Variants in KIAA0319L observed in about 807,000 individuals in gnomAD.
KIAA0319L encodes the protein dyslexia-associated protein KIAA0319-like protein.
A neutral mutation model predicts 120.1 loss-of-function variants in KIAA0319L; 55 were observed. That is an observed-to-expected ratio of 0.46 (90% confidence interval 0.37 to 0.57). The LOEUF (loss-of-function observed/expected upper bound fraction) is 0.57, where lower values mean the gene tolerates loss of function less well. Among genes scored for constraint, KIAA0319L ranks in the 20% least tolerant of loss-of-function variants. KIAA0319L has a pLI of 0.00. For missense variants in KIAA0319L, 1,049 were observed against 1,255.3 expected (o/e 0.84, Z 2.48); for synonymous variants, 398 against 471.9 (o/e 0.84, Z 2.03).
intron 7 of KIAA0319L, among the ~76,000 whole-genome samples, chr1:35,463,924 C>T (rs1431286940): frequency 6.6e-6 from 1 of 152,198 alleles, no homozygotes; most frequent in Non-Finnish European, 1.5e-5. Flanking sequence ...TTACTCTGCA[C>T]AAGCTCTCTT....
chr1:35,456,269 C>T, intron 9 of KIAA0319L, 28 bp from the exon 10 acceptor site: 1 of 1,416,156 alleles, frequency 7.1e-7, no homozygotes, highest in South Asian at 1.4e-5. Flanking sequence ...GGAGTGTGAT[C>T]AGGGACGGGT....
At position 35,474,813 on chromosome 1, in the gene KIAA0319L, G is replaced by A; in HGVS notation, c.1007C>T (p.Pro336Leu). ...TGTAAGGGGATGTTTACCTTTAGGTGGTTCTTGGAGAACATATGCATTTAA... is the reference window on the plus strand; with the variant it reads ...TGTAAGGGGATGTTTACCTTTAGGTAGTTCTTGGAGAACATATGCATTTAA... Reference protein sequence around the residue: ...VQLNAYVLQEPPKGETYTYDW... With the variant: ...VQLNAYVLQELPKGETYTYDW... Residue 336 changes from proline (P) to leucine (L), a missense_variant, in exon 5 of 21, where the codon CCA becomes CTA. By Grantham distance (98) the Pro-to-Leu change is moderately conservative (BLOSUM62 -3). Transcript: ENST00000325722. 6.3e-7 allele frequency: 1 copy of A among 1,587,692 alleles called. No homozygotes were observed. Among genetic ancestry groups the A allele is most frequent in the Admixed American group, 1.7e-5 (1 of 59,726 alleles).
intron 3 of KIAA0319L, among the ~76,000 whole-genome samples, chr1:35,501,313 T>C (rs11264164): frequency 0.15 from 23,472 of 152,094 alleles, 3,596 homozygotes; most frequent in East Asian, 0.52. Flanking sequence ...ACTTATCCAT[T>C]TCTAATTTCA....
chr1:35,466,545 C>T (rs898151235), intron 7 of KIAA0319L, 63 bp downstream of exon 7: 1 of 1,093,140 alleles, frequency 9.1e-7, no homozygotes, highest in African/African-American at 1.6e-5. Context: ...CAAATCAAAT[C>T]TCTATCTCCT....
At chr1:35,502,142 G>A (rs1229849712) in intron 3 of KIAA0319L, among the ~76,000 whole-genome samples, 2 of 151,724 alleles carry the variant, frequency 1.3e-5, no homozygotes, top group African/African-American at 2.4e-5. Flanking sequence ...CGCTGGGTGT[G>A]CCACACCCCT....
At chr1:35,454,738 A>G in intron 10 of KIAA0319L, 1 of 750,690 alleles carries the variant, frequency 1.3e-6, no homozygotes, top group Non-Finnish European at 1.9e-6. Flanking sequence ...AACTCTCATA[A>G]GAGAGGGCAG....
At chr1:35,442,807 G>C in intron 18 of KIAA0319L, 99 bp downstream of exon 18, 2 of 1,403,556 alleles carry the variant, frequency 1.4e-6, no homozygotes, top group Non-Finnish European at 2.0e-6. Context: ...TCTTCTCCTT[G>C]CCTGCTCATC....
intron 2 of KIAA0319L, among the ~76,000 whole-genome samples, chr1:35,531,206 T>C (rs778246494): frequency 7.9e-5 from 12 of 152,196 alleles, no homozygotes; most frequent in Non-Finnish European, 1.5e-4. Context: ...CTAGTGACAG[T>C]GGCCCCAGGC....
At chr1:35,484,767 CATATATATATATATATATAT>C (rs56318513) in intron 3 of KIAA0319L, among the ~76,000 whole-genome samples, 20 of 51,522 alleles carry the variant, frequency 3.9e-4, no homozygotes, top group Middle Eastern at 0.014. Context: ...AGTTTTTAAT[CATATATATATATATATATAT>C]ATATATATAT....
chr1:35,462,585 G>A, intron 8 of KIAA0319L, 36 bp downstream of exon 8: 2 of 1,505,396 alleles, frequency 1.3e-6, no homozygotes, highest in South Asian at 1.1e-5. Context: ...CACGGTGAAT[G>A]TTCTTCTAAA....
chr1:35,536,763 A>C (rs770800041), intron 2 of KIAA0319L, among the ~76,000 whole-genome samples: 6 of 152,186 alleles, frequency 3.9e-5, no homozygotes, highest in Non-Finnish European at 5.9e-5. Flanking sequence ...TCACTGGTGT[A>C]GCTGAAAATA....
intron 2 of KIAA0319L, 24 bp from the exon 3 acceptor site, chr1:35,507,159 T>C: frequency 6.6e-7 from 1 of 1,512,018 alleles, no homozygotes; most frequent in Non-Finnish European, 8.8e-7. Flanking sequence ...ATGAAAACAT[T>C]TTCAGATGAA....
intron 3 of KIAA0319L, among the ~76,000 whole-genome samples, chr1:35,503,132 C>G (rs543392831): frequency 7.2e-5 from 11 of 152,184 alleles, no homozygotes; most frequent in Non-Finnish European, 1.3e-4. Context: ...CCCACTCCCC[C>G]CAATCCCATC....
rs1363991489 is a variant in KIAA0319L at position 35,461,454 on chromosome 1, G to A, written c.1295-1017C>T. On this transcript the variant is annotated intron_variant, in intron 8 of 20. Coordinates refer to ENST00000325722, the MANE Select transcript of KIAA0319L (RefSeq NM_024874.5). ...GCACTCCAGCCTGGGCAAGAAGAGC[G>A]AAACTCTGTCTCAAAAAAAAAAGAA... 2.0e-5 allele frequency among the ~76,000 whole-genome samples: 3 copies of A among 151,528 alleles called. No homozygotes were observed. The East Asian group carries it at 5.8e-4, about 29-fold the overall frequency.
intron 3 of KIAA0319L, among the ~76,000 whole-genome samples, chr1:35,499,017 A>G (rs564154812): frequency 6.6e-6 from 1 of 152,302 alleles, no homozygotes; most frequent in South Asian, 2.1e-4. Flanking sequence ...GAGACTGGAG[A>G]ATATGGCAGG....
chr1:35,447,572 TTC>T (rs1641720504), intron 16 of KIAA0319L, among the ~76,000 whole-genome samples: 1 of 151,240 alleles, frequency 6.6e-6, no homozygotes, highest in South Asian at 2.1e-4. Context: ...CCCTTTTTTT[TTC>T]TTTTTTTTTT....
intron 2 of KIAA0319L, among the ~76,000 whole-genome samples, chr1:35,552,071 A>G (rs987265340): frequency 3.9e-5 from 6 of 152,092 alleles, no homozygotes; most frequent in Non-Finnish European, 8.8e-5. Flanking sequence ...GCCACCAGGC[A>G]TGGTGGCTCA....
intron 2 of KIAA0319L, among the ~76,000 whole-genome samples, chr1:35,532,594 T>C (rs1646413026): frequency 1.3e-5 from 2 of 152,160 alleles, no homozygotes; most frequent in African/African-American, 4.8e-5. Context: ...CAGAAAGGCA[T>C]TGGTAGAGTC....
At chr1:35,483,851 C>T (rs1644266145) in intron 3 of KIAA0319L, among the ~76,000 whole-genome samples, 1 of 152,210 alleles carries the variant, frequency 6.6e-6, no homozygotes, top group Non-Finnish European at 1.5e-5. Context: ...CAGGGCCATA[C>T]TGCCTCTGAA....
Sources: gnomAD v4.1 joint callset for allele counts (sites outside exome capture counted in the v4.1 genomes callset) on GRCh38, gnomAD v4.1.1 for gene constraint, MANE v1.5 for transcripts, NCBI Gene and HGNC (gene_info 2026-07-23, HGNC 2026-07-21) for gene names.